CHKA: variants seen among roughly 807,000 people sequenced by gnomAD.
The protein encoded by CHKA is choline kinase alpha, also known as CHETK-alpha.
CHKA carries 34 observed loss-of-function variants against 60.1 expected under a neutral mutation model. The ratio of observed to expected loss-of-function variants is 0.57; its 90% CI spans 0.43 to 0.75. The LOEUF is 0.75. Among genes scored for constraint, CHKA ranks in the 30% least tolerant of loss-of-function variants. The pLI is 0.00. For missense variants in CHKA, 563 were observed against 561.3 expected, an observed-to-expected ratio of 1.00 and a Z score of -0.03; for synonymous variants, 217 against 223.1, an observed-to-expected ratio of 0.97 and a Z score of 0.24.
chr11:68,074,651 A>C, intron 4 of CHKA, 66 bp downstream of exon 4: 3 of 1,380,230 alleles, frequency 2.2e-6, no homozygotes, highest in Non-Finnish European at 3.1e-6. Context: ...TCTTGCAGCA[A>C]TGAGACAAAG....
In CHKA at chr11:68,081,407, A is replaced by T. The variant is rs910589469; in HGVS notation, c.513T>A (p.Phe171Leu). The T allele has an allele frequency of 9.3e-6, 15 of 1,612,770 alleles. No individual in the cohort carries two copies. The highest frequency in any genetic ancestry group is 1.3e-5 in the Non-Finnish European group (15 of 1,178,898). The change falls in exon 3 of 12, where the codon TTT (phenylalanine) becomes TTA (leucine). Residue 171 changes from phenylalanine to leucine, a missense_variant. Transcript: ENST00000265689. ...GCAGAAAGACTGAATTACTTACTTG[A>T]AATTCATTTTCTTTCTGAGCTTGTT... ...GSEQAQKENE[F>L]QGAEAMVLES...
In CHKA at chr11:68,065,912, A is replaced by G. The variant is rs140776009; in HGVS notation, c.1017-18T>C. On this transcript the variant is annotated intron_variant, in intron 8 of 11. Coordinates refer to ENST00000265689, the MANE Select transcript of CHKA (RefSeq NM_001277.3). ...CGAATCCCCTGAAATAAGACATAAG[A>G]CAGTGCACACAATGAGGCAAACCGT... The G allele has an allele frequency of 1.6e-4, 250 of 1,552,168 alleles. 1 individual carries two copies. In the East Asian group the frequency reaches 5.0e-3, roughly 31 times the overall value.
At chr11:68,061,765 C>A (rs1184907352) in intron 11 of CHKA, 188 bp downstream of exon 11, 1 of 637,916 alleles carries the variant, frequency 1.6e-6, no homozygotes, top group Admixed American at 2.1e-5. Context: ...GTGACAGCGG[C>A]TTCTCCCCCG....
At chr11:68,096,324 G>A (rs1265482288) in intron 2 of CHKA, among the ~76,000 whole-genome samples, 1 of 152,080 alleles carries the variant, frequency 6.6e-6, no homozygotes, top group African/African-American at 2.4e-5. Context: ...TCACGCCATT[G>A]CACTCCAGCC....
chr11:68,105,514 CAAAAAAAAAAAAAAA>C (rs1170085830), intron 1 of CHKA, among the ~76,000 whole-genome samples: 4 of 64,954 alleles, frequency 6.2e-5, no homozygotes, highest in South Asian at 1.3e-3. Flanking sequence ...GACTCCATCT[CAAAAAAAAAAAAAAA>C]AAAAAAAAAA....
At chr11:68,109,247 A>G (rs1178602841) in intron 1 of CHKA, among the ~76,000 whole-genome samples, 5 of 151,036 alleles carry the variant, frequency 3.3e-5, no homozygotes, top group African/African-American at 4.9e-5. Flanking sequence ...CCGCCACCAC[A>G]CTGGGCTAAT....
At chr11:68,092,827 G>T (rs1049540053) in intron 2 of CHKA, among the ~76,000 whole-genome samples, 1 of 152,130 alleles carries the variant, frequency 6.6e-6, no homozygotes, top group Admixed American at 6.5e-5. Flanking sequence ...AAGTGTGTTT[G>T]AACTAAGGAC....
At chr11:68,111,826 G>A (rs1050236315) in intron 1 of CHKA, among the ~76,000 whole-genome samples, 3 of 151,952 alleles carry the variant, frequency 2.0e-5, no homozygotes, top group Non-Finnish European at 4.4e-5. Context: ...GGCTGAGGCG[G>A]GTGGATCACT....
chr11:68,108,121 G>T (rs368788603), intron 1 of CHKA, among the ~76,000 whole-genome samples: 7 of 152,156 alleles, frequency 4.6e-5, no homozygotes, highest in African/African-American at 1.7e-4. Context: ...ATATATGACA[G>T]ATAACAGAAG....
chr11:68,061,070 A>G (rs1856219235), intron 11 of CHKA, among the ~76,000 whole-genome samples: 1 of 131,816 alleles, frequency 7.6e-6, no homozygotes, highest in African/African-American at 2.9e-5. Flanking sequence ...GGTTAAAAAT[A>G]CTTTCTATTT....
chr11:68,086,138 C>T lies in CHKA; in HGVS notation c.463-4681G>A, dbSNP rs950700067. The stretch of plus-strand genomic sequence containing the variant: ...CACCATCCTTGCCAACATGGTGAAA[C>T]CCCTTCTCTACTAAAAATACAAAAA... On this transcript the variant is annotated intron_variant, in intron 2 of 11. Transcript: ENST00000265689. Among the ~76,000 whole-genome samples, 3 of 152,118 alleles carry T rather than the reference C, an allele frequency of 2.0e-5. No individual in the cohort carries two copies. In the East Asian group the frequency reaches 5.8e-4, roughly 30 times the overall value.
At chr11:68,097,703 T>C (rs1181754490) in intron 1 of CHKA, among the ~76,000 whole-genome samples, 3 of 151,874 alleles carry the variant, frequency 2.0e-5, no homozygotes, top group Non-Finnish European at 4.4e-5. Context: ...CCATTTGATA[T>C]GTATTAATAG....
At position 68,081,434 on chromosome 11, in the gene CHKA, G is replaced by A. The variant is rs200300079; in HGVS notation, c.486C>T (p.Ser162=). 1.1e-4 allele frequency: 184 copies of A among 1,613,382 alleles called. No individual in the cohort carries two copies. The East Asian group carries it at 2.9e-3, about 26-fold the overall frequency. The change falls in exon 3 of 12, where the codon TCC becomes TCT. Residue 162 remains serine, a synonymous_variant. Transcript: ENST00000265689. The stretch of plus-strand genomic sequence containing the variant: ...ATTCATTTTCTTTCTGAGCTTGTTC[G>A]GATCCCTCTTTATTACAGGACCTCT... ...LQMRSCNKEG[S]EQAQKENEFQ...
intron 2 of CHKA, among the ~76,000 whole-genome samples, chr11:68,090,031 T>C (rs1180716347): frequency 6.6e-6 from 1 of 152,204 alleles, no homozygotes; most frequent in Non-Finnish European, 1.5e-5. Flanking sequence ...ATTGGCTTCA[T>C]GCTATAAATC....
chr11:68,077,542 T>C (rs1856833359), intron 3 of CHKA, among the ~76,000 whole-genome samples: 1 of 152,186 alleles, frequency 6.6e-6, no homozygotes, highest in Admixed American at 6.5e-5. Flanking sequence ...GCTTCAGAAA[T>C]AAAGACTCAT....
At chr11:68,068,963 C>G (rs768188632) in intron 6 of CHKA, 26 bp from the exon 7 acceptor site, 40 of 1,582,738 alleles carry the variant, frequency 2.5e-5, no homozygotes, top group Middle Eastern at 1.7e-4. Flanking sequence ...TCACTGTTAC[C>G]CATCACGCTT....
intron 4 of CHKA, 144 bp from the exon 5 acceptor site, chr11:68,071,001 G>A (rs1432046803): frequency 1.3e-6 from 1 of 749,846 alleles, no homozygotes; most frequent in Non-Finnish European, 2.1e-6. Flanking sequence ...AATGGACACT[G>A]TGTCCCTACA....
chr11:68,057,511 A>G (rs887856408), intron 11 of CHKA, among the ~76,000 whole-genome samples: 3 of 151,936 alleles, frequency 2.0e-5, no homozygotes, highest in Admixed American at 6.6e-5. Flanking sequence ...AGTAGAGACA[A>G]GGTTTCACCG....
intron 3 of CHKA, among the ~76,000 whole-genome samples, chr11:68,076,005 T>C (rs1481837250): frequency 1.3e-5 from 2 of 152,174 alleles, no homozygotes; most frequent in Non-Finnish European, 2.9e-5. Context: ...TAGGAAATGA[T>C]ACAGTACTAT....
Sources: allele counts gnomAD v4.1 joint callset (sites outside exome capture counted in the v4.1 genomes callset), GRCh38; gene constraint gnomAD v4.1.1; transcripts MANE v1.5; gene names NCBI Gene and HGNC (gene_info 2026-07-23, HGNC 2026-07-21).